The following SPOCK1 variants were observed in gnomAD, a reference collection of about 807,000 sequenced individuals.
SPOCK1 encodes the protein testican-1.
SPOCK1 carries 23 observed loss-of-function variants against 55.3 expected under a neutral mutation model. That is an observed-to-expected ratio of 0.42 (90% CI 0.30 to 0.59). The LOEUF (loss-of-function observed/expected upper bound fraction) is 0.59. Ranked by LOEUF, SPOCK1 falls within the 20% of genes least tolerant of loss-of-function variation. SPOCK1 has a pLI of 0.22. For missense variants in SPOCK1, 499 were observed against 552.5 expected, an observed-to-expected ratio of 0.90 and a Z score of 0.97; for synonymous variants, 226 against 221.0, an observed-to-expected ratio of 1.02 and a Z score of -0.20.
intron 2 of SPOCK1, among the ~76,000 whole-genome samples, chr5:137,284,177 G>A (rs538749288): frequency 8.5e-5 from 13 of 152,330 alleles, no homozygotes; most frequent in African/African-American, 2.9e-4. Context: ...ACAAGAGCCA[G>A]CAGTCACATC....
intron 4 of SPOCK1, among the ~76,000 whole-genome samples, chr5:137,125,870 T>C (rs1436337757): frequency 1.3e-5 from 2 of 152,194 alleles, no homozygotes; most frequent in African/African-American, 2.4e-5. Context: ...TAGATTGTCA[T>C]GAAAGGATCT....
At chr5:137,391,073 A>G (rs1561523193) in intron 2 of SPOCK1, among the ~76,000 whole-genome samples, 1 of 152,004 alleles carries the variant, frequency 6.6e-6, no homozygotes. Context: ...CAACCCCCCA[A>G]GAGAACTGGG....
intron 2 of SPOCK1, 61 bp downstream of exon 2, chr5:137,498,312 C>A: frequency 6.8e-7 from 1 of 1,462,056 alleles, no homozygotes; most frequent in Non-Finnish European, 9.1e-7. Flanking sequence ...CCCAACCCCG[C>A]TTCAGGGGTC....
At chr5:137,118,475 C>T (rs1753630366) in intron 4 of SPOCK1, among the ~76,000 whole-genome samples, 1 of 152,158 alleles carries the variant, frequency 6.6e-6, no homozygotes, top group Non-Finnish European at 1.5e-5. Context: ...CCACCCTCAC[C>T]AACCCATACC....
chr5:137,106,989 C>G (rs892004261), intron 5 of SPOCK1, among the ~76,000 whole-genome samples: 1 of 152,118 alleles, frequency 6.6e-6, no homozygotes, highest in Non-Finnish European at 1.5e-5. Context: ...CCTGTGCCCC[C>G]AGCTCTTACT....
chr5:137,365,783 T>C (rs1209448855), intron 2 of SPOCK1, among the ~76,000 whole-genome samples: 1 of 152,242 alleles, frequency 6.6e-6, no homozygotes. Context: ...TTTTCTATTA[T>C]TGATAGAAAA....
chr5:137,252,397 C>T (rs552966647), intron 3 of SPOCK1, among the ~76,000 whole-genome samples: 7 of 152,290 alleles, frequency 4.6e-5, no homozygotes, highest in African/African-American at 1.2e-4. Context: ...CGGAGAAAAA[C>T]GTGGATGGCA....
intron 5 of SPOCK1, among the ~76,000 whole-genome samples, chr5:137,104,928 G>A (rs1423066856): frequency 6.6e-6 from 1 of 152,122 alleles, no homozygotes; most frequent in African/African-American, 2.4e-5. Flanking sequence ...AACTATCCCT[G>A]ACATGGCCCA....
chr5:137,138,012 T>C (rs1176262915), intron 4 of SPOCK1, among the ~76,000 whole-genome samples: 1 of 151,832 alleles, frequency 6.6e-6, no homozygotes, highest in Non-Finnish European at 1.5e-5. Flanking sequence ...ATAAAATTTA[T>C]CATCCATAAA....
At chr5:137,421,998 G>A (rs1046611816) in intron 2 of SPOCK1, among the ~76,000 whole-genome samples, 3 of 152,156 alleles carry the variant, frequency 2.0e-5, no homozygotes, top group Non-Finnish European at 4.4e-5. Context: ...GCCTGGTAGT[G>A]ACAAAATCTC....
At chr5:137,431,838 A>G (rs1302280625) in intron 2 of SPOCK1, among the ~76,000 whole-genome samples, 2 of 152,220 alleles carry the variant, frequency 1.3e-5, no homozygotes, top group Non-Finnish European at 2.9e-5. Context: ...AGCCTGAAGA[A>G]CTATGAGCTA....
At chr5:137,130,437 T>A (rs1753851992) in intron 4 of SPOCK1, among the ~76,000 whole-genome samples, 2 of 152,240 alleles carry the variant, frequency 1.3e-5, no homozygotes, top group Admixed American at 1.3e-4. Flanking sequence ...TCTGAATTAA[T>A]GATCCATAAC....
intron 3 of SPOCK1, among the ~76,000 whole-genome samples, chr5:137,156,609 G>A (rs1754422583): frequency 6.6e-6 from 1 of 152,172 alleles, no homozygotes; most frequent in African/African-American, 2.4e-5. Flanking sequence ...TATACATGTT[G>A]AAAAGGGAGG....
At chr5:136,982,879 G>C (rs1750758522) in intron 9 of SPOCK1, among the ~76,000 whole-genome samples, 1 of 151,820 alleles carries the variant, frequency 6.6e-6, no homozygotes, top group Non-Finnish European at 1.5e-5. Context: ...GAGTACCTCT[G>C]TCATCACACT....
At chr5:137,497,409 T>C (rs1109981) in intron 2 of SPOCK1, among the ~76,000 whole-genome samples, 58,644 of 152,152 alleles carry the variant, frequency 0.39, 11,376 homozygotes, top group East Asian at 0.46. Context: ...TTACAATATT[T>C]AAGGCTTCTC....
intron 2 of SPOCK1, among the ~76,000 whole-genome samples, chr5:137,319,101 A>G (rs1757935028): frequency 6.6e-6 from 1 of 152,212 alleles, no homozygotes; most frequent in Non-Finnish European, 1.5e-5. Flanking sequence ...CTCAGAGAAA[A>G]GAGGAGGCAC....
At chr5:137,486,484 G>C (rs1052695523) in intron 2 of SPOCK1, among the ~76,000 whole-genome samples, 1 of 152,212 alleles carries the variant, frequency 6.6e-6, no homozygotes, top group Admixed American at 6.5e-5. Flanking sequence ...CCTGCAGCCT[G>C]ACCAGGGGAC....
chr5:137,146,367 G>A (rs908299948), intron 3 of SPOCK1, among the ~76,000 whole-genome samples: 1 of 152,170 alleles, frequency 6.6e-6, no homozygotes, highest in Non-Finnish European at 1.5e-5. Context: ...ACTCTGGTGA[G>A]TTCCAGAATC....
At chr5:137,152,516 T>C (rs1056913818) in intron 3 of SPOCK1, among the ~76,000 whole-genome samples, 2 of 152,216 alleles carry the variant, frequency 1.3e-5, no homozygotes, top group Non-Finnish European at 2.9e-5. Flanking sequence ...GCAAAATCTT[T>C]CTTTTTTTGT....
Sources: allele counts gnomAD v4.1 joint callset (sites outside exome capture counted in the v4.1 genomes callset), GRCh38; gene constraint gnomAD v4.1.1; transcripts MANE v1.5; gene names NCBI Gene and HGNC (gene_info 2026-07-23, HGNC 2026-07-21).